MYO7A: variants seen among roughly 807,000 people sequenced by gnomAD.
The protein encoded by MYO7A is unconventional myosin-VIIa.
A neutral mutation model predicts 263.8 loss-of-function variants in MYO7A; 210 were observed. That is an observed-to-expected ratio of 0.80 (90% CI 0.71 to 0.89). The LOEUF is 0.89. Among genes scored for constraint, MYO7A ranks in the 40% least tolerant of loss-of-function variants. The pLI, the probability that MYO7A is intolerant of heterozygous loss-of-function variation, is 0.00. For missense variants in MYO7A, 2,820 were observed against 2,968.3 expected (o/e 0.95, Z 1.16); for synonymous variants, 1,239 against 1,197.3 (o/e 1.03, Z -0.72).
intron 20 of MYO7A, among the ~76,000 whole-genome samples, chr11:77,179,388 G>T (rs1954961010): frequency 6.6e-6 from 1 of 152,224 alleles, no homozygotes; most frequent in East Asian, 1.9e-4. Context: ...GATTATTAGA[G>T]ATCTCAGACA....
chr11:77,163,159 C>T (rs1953174829), intron 14 of MYO7A, among the ~76,000 whole-genome samples, 171 bp downstream of exon 14: 1 of 152,050 alleles, frequency 6.6e-6, no homozygotes. Context: ...TTCAGTGGCA[C>T]TAAGTACTTC....
chr11:77,170,542 G>C (rs1393350284), intron 15 of MYO7A, among the ~76,000 whole-genome samples: 1 of 152,204 alleles, frequency 6.6e-6, no homozygotes, highest in African/African-American at 2.4e-5. Context: ...ATGTGATTTT[G>C]TTCCTCACTT....
In MYO7A at chr11:77,179,884, T is replaced by C. The variant is rs1555082881; in HGVS notation, c.2517T>C (p.Ala839=). ...VRKAFRHRLW[A]VLTVQAYARG... ...AGGCCTTCCGCCACCGCCTCTGGGC[T>C]GTGCTCACCGTGCAGGCCTATGCCC... The change falls in exon 21 of 49, where the codon GCT becomes GCC. Residue 839 remains alanine, a synonymous_variant. Transcript: ENST00000409709. The C allele has an allele frequency of 1.3e-5, 20 of 1,540,592 alleles. No individual in the cohort carries two copies. The highest frequency in any genetic ancestry group is 1.7e-5 in the Non-Finnish European group (19 of 1,146,704).
chr11:77,198,124 G>C (rs545669432), intron 33 of MYO7A, among the ~76,000 whole-genome samples: 1 of 152,226 alleles, frequency 6.6e-6, no homozygotes, highest in Non-Finnish European at 1.5e-5. Flanking sequence ...TCGTTACTGG[G>C]CACCTGCTGT....
chr11:77,186,698 A>T (rs1420092083), intron 27 of MYO7A, among the ~76,000 whole-genome samples: 1 of 152,186 alleles, frequency 6.6e-6, no homozygotes, highest in Admixed American at 6.5e-5. Flanking sequence ...GGTTTGATCT[A>T]TTCAGACCCC....
chr11:77,215,019 G>A lies in MYO7A; in HGVS notation c.*323G>A. The A allele has an allele frequency of 3.1e-6, 1 of 323,660 alleles. No individual in the cohort carries two copies. Among genetic ancestry groups the A allele is most frequent in the Non-Finnish European group, 5.8e-6 (1 of 173,260 alleles). 20.0% of individuals were successfully genotyped at this position (323,660 alleles called of 1,614,324 possible). ...CCAGCCCCACCATGCAACTTCCTTTGACTTTCTGTGTACCACTGGGATAGA... is the reference window on the plus strand; with the variant it reads ...CCAGCCCCACCATGCAACTTCCTTTAACTTTCTGTGTACCACTGGGATAGA... On this transcript the variant is annotated 3_prime_UTR_variant, in exon 49 of 49. Transcript: ENST00000409709.
chr11:77,142,692 C>T lies in MYO7A; in HGVS notation c.19-17C>T, dbSNP rs372433507. 2.9e-5 allele frequency: 46 copies of T among 1,592,162 alleles called. No homozygotes were observed. The highest frequency in any genetic ancestry group is 1.7e-4 in the Admixed American group (10 of 57,636). On this transcript the variant is annotated splice_polypyrimidine_tract_variant and intron_variant, in intron 2 of 48. Coordinates refer to ENST00000409709, the MANE Select transcript of MYO7A (RefSeq NM_000260.4). ...CCCTCCCTGCTCACCTGGGCTGAGA[C>T]TCTCTCTCGCCCATAGGGGGACCAT...
At chr11:77,139,437 C>T (rs184514512) in intron 2 of MYO7A, 2 of 152,366 alleles carry the variant, frequency 1.3e-5, no homozygotes, top group African/African-American at 4.8e-5. Flanking sequence ...TACACAGCCA[C>T]ACTGAGGCAT....
intron 39 of MYO7A, among the ~76,000 whole-genome samples, chr11:77,204,719 C>CAA (rs1957320263): frequency 6.6e-6 from 1 of 152,204 alleles, no homozygotes; most frequent in Non-Finnish European, 1.5e-5. Flanking sequence ...AGGCTCCTCT[C>CAA]AGAGTCTGAG....
intron 4 of MYO7A, among the ~76,000 whole-genome samples, chr11:77,149,931 G>A (rs992678956): frequency 1.3e-5 from 2 of 152,112 alleles, no homozygotes; most frequent in African/African-American, 4.8e-5. Context: ...ACAGGGACCC[G>A]CTGGTGTCCA....
intron 27 of MYO7A, among the ~76,000 whole-genome samples, chr11:77,186,571 G>A (rs995391869): frequency 6.6e-6 from 1 of 152,126 alleles, no homozygotes; most frequent in African/African-American, 2.4e-5. Flanking sequence ...CTCATGAGGC[G>A]ATCTCTGTGA....
At chr11:77,163,114 A>ATG in intron 14 of MYO7A, 126 bp downstream of exon 14, 2 of 1,039,522 alleles carry the variant, frequency 1.9e-6, no homozygotes, top group East Asian at 2.7e-5. Flanking sequence ...ATATATATAT[A>ATG]TATATGAACT....
chr11:77,159,661 A>T, intron 10 of MYO7A, 138 bp downstream of exon 10: 1 of 849,992 alleles, frequency 1.2e-6, no homozygotes, highest in Middle Eastern at 2.3e-4. Context: ...ATGGAGAAGC[A>T]ACCATGTGCA....
At chr11:77,187,848 T>G (rs1333602638) in intron 27 of MYO7A, among the ~76,000 whole-genome samples, 3 of 152,102 alleles carry the variant, frequency 2.0e-5, no homozygotes, top group Middle Eastern at 3.2e-3. Flanking sequence ...GAAACTGAGG[T>G]CCAGAGTAGG....
chr11:77,181,891 C>A, intron 23 of MYO7A, 60 bp from the exon 24 acceptor site: 1 of 1,501,542 alleles, frequency 6.7e-7, no homozygotes, highest in Non-Finnish European at 9.2e-7. Context: ...CTCAGGCGAT[C>A]CTCCCACCTG....
chr11:77,159,572 G>A (rs1952803729), intron 10 of MYO7A, 49 bp downstream of exon 10: 7 of 1,580,636 alleles, frequency 4.4e-6, no homozygotes, highest in Non-Finnish European at 6.1e-6. Context: ...CCTCTGAAGG[G>A]TTGAGTTTAA....
At chr11:77,179,361 G>A (rs1243237340) in intron 20 of MYO7A, among the ~76,000 whole-genome samples, 1 of 152,230 alleles carries the variant, frequency 6.6e-6, no homozygotes, top group Non-Finnish European at 1.5e-5. Context: ...TGTTTTTGGG[G>A]GTTGGGAGCA....
At chr11:77,195,309 C>A (rs183480902) in intron 32 of MYO7A, among the ~76,000 whole-genome samples, 1 of 152,044 alleles carries the variant, frequency 6.6e-6, no homozygotes, top group African/African-American at 2.4e-5. Flanking sequence ...AGGCCCGAAC[C>A]CCCCCGAACC....
intron 16 of MYO7A, among the ~76,000 whole-genome samples, chr11:77,173,536 G>C (rs1277558434): frequency 1.3e-5 from 2 of 152,176 alleles, no homozygotes; most frequent in African/African-American, 2.4e-5. Flanking sequence ...GCGGGACTGG[G>C]GGCTCAGGGA....
Sources: gnomAD v4.1 joint callset for allele counts (sites outside exome capture counted in the v4.1 genomes callset) on GRCh38, gnomAD v4.1.1 for gene constraint, MANE v1.5 for transcripts, NCBI Gene and HGNC (gene_info 2026-07-23, HGNC 2026-07-21) for gene names.